SLC35F2: variants seen among roughly 807,000 people sequenced by gnomAD.
The protein encoded by SLC35F2 is solute carrier family 35 member F2.
A neutral mutation model predicts 38.1 loss-of-function variants in SLC35F2; 25 were observed. The ratio of observed to expected loss-of-function variants is 0.66; its 90% CI spans 0.48 to 0.92. The LOEUF (loss-of-function observed/expected upper bound fraction) is 0.92. Among genes scored for constraint, SLC35F2 ranks in the 40% least tolerant of loss-of-function variants. SLC35F2 has a pLI of 0.00. For synonymous variants in SLC35F2, 173 were observed against 181.7 expected, an observed-to-expected ratio of 0.95 and a Z score of 0.38; for missense variants, 409 against 452.9, an observed-to-expected ratio of 0.90 and a Z score of 0.88.
chr11:107,807,774 C>A (rs1859421743), intron 3 of SLC35F2, among the ~76,000 whole-genome samples: 1 of 152,054 alleles, frequency 6.6e-6, no homozygotes, highest in South Asian at 2.1e-4. Context: ...GGGGTTTTGT[C>A]ATGTTGGCAA....
At chr11:107,843,866 AAAAT>A (rs1468263154) in intron 1 of SLC35F2, among the ~76,000 whole-genome samples, 33 of 38,430 alleles carry the variant, frequency 8.6e-4, no homozygotes, top group South Asian at 2.3e-3. Flanking sequence ...AAAAAAAAAA[AAAAT>A]ATATATATAT....
In SLC35F2 at chr11:107,792,856, T is replaced by C. The variant is rs1859154861; in HGVS notation, c.940-56A>G. 4.8e-6 allele frequency: 7 copies of C among 1,460,038 alleles called. No individual in the cohort carries two copies. The South Asian group carries it at 7.7e-5, about 16-fold the overall frequency. The allele number at this position is 1,460,038 out of a possible 1,614,324, so 90.4% of individuals were successfully genotyped here. A position where few individuals can be genotyped will look rare whatever the true frequency, so the allele number is the denominator to read the frequency against. Reference sequence around the variant, plus strand: ...CCCCTCACATACACATCTTTGCTGCTGGCTTTTGCCAACTGTGCTTCGAGG... The same window carrying C: ...CCCCTCACATACACATCTTTGCTGCCGGCTTTTGCCAACTGTGCTTCGAGG... On this transcript the variant is annotated intron_variant, in intron 7 of 7. Coordinates refer to ENST00000525815, the MANE Select transcript of SLC35F2 (RefSeq NM_017515.5).
intron 1 of SLC35F2, among the ~76,000 whole-genome samples, chr11:107,856,918 AGGGAGGG>A (rs1177759553): frequency 2.2e-5 from 2 of 90,928 alleles, no homozygotes; most frequent in Non-Finnish European, 2.2e-5. Context: ...GGAGGGAGGG[AGGGAGGG>A]AAAAGAGGGA....
rs889659722 is a variant in SLC35F2, at chr11:107,792,459, A to G, written c.*156T>C. 3 of 809,312 alleles carry G rather than the reference A, an allele frequency of 3.7e-6. No homozygotes were observed. The African/African-American group carries it at 5.3e-5, about 14-fold the overall frequency. 50.1% of individuals were successfully genotyped at this position (809,312 alleles called of 1,614,324 possible). A position where few individuals can be genotyped will look rare whatever the true frequency, so the allele number is the denominator to read the frequency against. ...CTCTATTTTGGTATTTCTACTTTTG[A>G]ACTTTGTTCAGTGTTCCTTTCTAAA... On this transcript the variant is annotated 3_prime_UTR_variant, in exon 8 of 8. Coordinates refer to ENST00000525815, the MANE Select transcript of SLC35F2 (RefSeq NM_017515.5).
intron 6 of SLC35F2, 21 bp downstream of exon 6, chr11:107,804,697 A>G: frequency 6.5e-7 from 1 of 1,548,032 alleles, no homozygotes; most frequent in Non-Finnish European, 8.9e-7. Context: ...GCTGACTAAA[A>G]GGAATTATTT....
intron 1 of SLC35F2, among the ~76,000 whole-genome samples, chr11:107,830,049 G>T (rs1234071839): frequency 6.6e-6 from 1 of 151,586 alleles, no homozygotes; most frequent in Non-Finnish European, 1.5e-5. Flanking sequence ...ATCACCTAAG[G>T]CCACAAGTTG....
chr11:107,818,097 AAAG>A (rs1248356107), intron 1 of SLC35F2, among the ~76,000 whole-genome samples: 2 of 135,540 alleles, frequency 1.5e-5, no homozygotes, highest in Non-Finnish European at 3.1e-5. Context: ...AGAAAGAAAG[AAAG>A]AAAGAAAGAA....
chr11:107,797,680 A>T (rs1477304684), intron 7 of SLC35F2, among the ~76,000 whole-genome samples: 1 of 152,228 alleles, frequency 6.6e-6, no homozygotes, highest in African/African-American at 2.4e-5. Flanking sequence ...AACTTGTTAT[A>T]GATGCTCAAT....
intron 1 of SLC35F2, among the ~76,000 whole-genome samples, chr11:107,822,008 C>A (rs1219268391): frequency 6.6e-6 from 1 of 152,196 alleles, no homozygotes; most frequent in South Asian, 2.1e-4. Flanking sequence ...GAGGCCAAGG[C>A]AGGCGGATCA....
At chr11:107,854,752 A>T (rs1054483729) in intron 1 of SLC35F2, among the ~76,000 whole-genome samples, 1 of 152,204 alleles carries the variant, frequency 6.6e-6, no homozygotes, top group African/African-American at 2.4e-5. Flanking sequence ...TAATGAAAAC[A>T]TAACAAGCTC....
intron 1 of SLC35F2, among the ~76,000 whole-genome samples, chr11:107,856,703 A>C (rs1860286393): frequency 6.9e-6 from 1 of 144,250 alleles, no homozygotes; most frequent in Non-Finnish European, 1.5e-5. Flanking sequence ...TCAGGAAGGA[A>C]GGTGACAGAA....
Position 107,810,092 on chromosome 11 carries a change from C to T in SLC35F2, c.414+1575G>A, listed in dbSNP as rs983277637. 1.0e-5 allele frequency: 10 copies of T among 985,318 alleles called. No individual in the cohort carries two copies. In the East Asian group the frequency reaches 1.0e-3, roughly 101 times the overall value. The allele number at this position is 985,318 out of a possible 1,614,324, so 61.0% of individuals were successfully genotyped here. On this transcript the variant is annotated intron_variant, in intron 3 of 7. Transcript: ENST00000525815. ...TCCAGATTTCCATCCTTTTGGACTA[C>T]CCAGGCCAGAGATTTACTCAGTTGG...
chr11:107,853,718 T>C (rs542087460), intron 1 of SLC35F2, among the ~76,000 whole-genome samples: 2 of 35,268 alleles, frequency 5.7e-5, no homozygotes, highest in African/African-American at 1.9e-4. Flanking sequence ...AGACTCCGTC[T>C]CAAAAAAAAA....
chr11:107,843,856 AAAAAAAAAAAAAATATATATATATAT>A (rs1267217873), intron 1 of SLC35F2, among the ~76,000 whole-genome samples: 3 of 36,942 alleles, frequency 8.1e-5, no homozygotes, highest in African/African-American at 2.6e-4. Flanking sequence ...TAAAAAAAAA[AAAAAAAAAAAAAATATATATATATAT>A]ATATATATAT....
rs138275101 is a variant in SLC35F2, at chr11:107,835,063, C to T, written c.111-19098G>A. On this transcript the variant is annotated intron_variant, in intron 1 of 7. Coordinates refer to ENST00000525815, the MANE Select transcript of SLC35F2 (RefSeq NM_017515.5). ...TCCTGTAGAAAATGAGAGAGAGTTA[C>T]GCAGAAAATCAAACGGGTGCTAGTT... is the stretch of plus-strand genomic sequence containing the variant. Among the ~76,000 whole-genome samples the T allele has an allele frequency of 7.9e-5, 12 of 152,246 alleles. No homozygotes were observed. In the East Asian group the frequency reaches 1.7e-3, roughly 22 times the overall value.
chr11:107,832,275 G>A (rs189201604), intron 1 of SLC35F2, among the ~76,000 whole-genome samples: 46 of 152,298 alleles, frequency 3.0e-4, no homozygotes, highest in African/African-American at 9.9e-4. Context: ...CATTCCCAAT[G>A]TTGTTAGTTC....
chr11:107,826,784 G>A (rs1859760138), intron 1 of SLC35F2, among the ~76,000 whole-genome samples: 1 of 151,798 alleles, frequency 6.6e-6, no homozygotes, highest in Non-Finnish European at 1.5e-5. Context: ...TATTTCAAGG[G>A]ACTTTAAAAT....
intron 1 of SLC35F2, among the ~76,000 whole-genome samples, chr11:107,826,836 G>T (rs1393634933): frequency 6.6e-6 from 1 of 151,986 alleles, no homozygotes; most frequent in Non-Finnish European, 1.5e-5. Flanking sequence ...TATACCATAG[G>T]ATCAAAAAGA....
chr11:107,831,951 T>C (rs906489057), intron 1 of SLC35F2, among the ~76,000 whole-genome samples: 1 of 152,206 alleles, frequency 6.6e-6, no homozygotes, highest in Non-Finnish European at 1.5e-5. Context: ...AATGAAGCAA[T>C]AAAGCAAGCT....
Sources: gnomAD v4.1 joint callset for allele counts (sites outside exome capture counted in the v4.1 genomes callset) on GRCh38, gnomAD v4.1.1 for gene constraint, MANE v1.5 for transcripts, NCBI Gene and HGNC (gene_info 2026-07-23, HGNC 2026-07-21) for gene names.